Variants in GAD2 observed in about 807,000 individuals in gnomAD.
The protein encoded by GAD2 is 65 kDa glutamic acid decarboxylase.
A neutral mutation model predicts 80.1 loss-of-function variants in GAD2; 22 were observed. The observed-to-expected ratio is 0.27, with a 90% CI of 0.20 to 0.39. The LOEUF (loss-of-function observed/expected upper bound fraction) is 0.39. Ranked by LOEUF, GAD2 falls within the 10% of genes least tolerant of loss-of-function variation. GAD2 has a pLI of 1.00. For missense variants in GAD2, 624 were observed against 738.4 expected (o/e 0.85, Z 1.80); for synonymous variants, 274 against 256.9 (o/e 1.07, Z -0.64).
intron 7 of GAD2, among the ~76,000 whole-genome samples, chr10:26,230,623 C>A (rs1407230192): frequency 6.6e-6 from 1 of 152,050 alleles, no homozygotes; most frequent in Non-Finnish European, 1.5e-5. Context: ...TTTATAGAGA[C>A]AGGGTCTTGC....
intron 8 of GAD2, among the ~76,000 whole-genome samples, chr10:26,258,525 A>G (rs2132296959): frequency 6.6e-6 from 1 of 152,322 alleles, no homozygotes; most frequent in African/African-American, 2.4e-5. Flanking sequence ...TGCTCATTTA[A>G]CACTAACTCC....
At chr10:26,245,264 G>C (rs1844792013) in intron 7 of GAD2, among the ~76,000 whole-genome samples, 2 of 151,970 alleles carry the variant, frequency 1.3e-5, no homozygotes, top group Admixed American at 1.3e-4. Flanking sequence ...AATAGCTAAT[G>C]CATGCTGGGC....
chr10:26,264,961 C>T (rs894834763), intron 8 of GAD2, among the ~76,000 whole-genome samples: 1 of 152,142 alleles, frequency 6.6e-6, no homozygotes, highest in Middle Eastern at 3.2e-3. Flanking sequence ...TGACCATCTG[C>T]AAGCCTGCCT....
At chr10:26,236,467 A>C (rs938397886) in intron 7 of GAD2, among the ~76,000 whole-genome samples, 1 of 151,722 alleles carries the variant, frequency 6.6e-6, no homozygotes, top group African/African-American at 2.4e-5. Context: ...CACCCGGCTA[A>C]GTTCTGTATT....
At chr10:26,281,703 C>A (rs980283426) in intron 12 of GAD2, among the ~76,000 whole-genome samples, 1 of 152,182 alleles carries the variant, frequency 6.6e-6, no homozygotes, top group Non-Finnish European at 1.5e-5. Flanking sequence ...TTGAAACCAT[C>A]TTGAAAGATG....
At chr10:26,238,480 G>A (rs1844702608) in intron 7 of GAD2, among the ~76,000 whole-genome samples, 1 of 152,224 alleles carries the variant, frequency 6.6e-6, no homozygotes, top group African/African-American at 2.4e-5. Context: ...TGTCACTGAA[G>A]ATCATTCTTG....
At chr10:26,255,915 T>C (rs113775757) in intron 8 of GAD2, among the ~76,000 whole-genome samples, 4,361 of 128,274 alleles carry the variant, frequency 0.034, 183 homozygotes, top group African/African-American at 0.12. Flanking sequence ...TGGGGAGGGA[T>C]GGGGAGGAAG....
intron 15 of GAD2, among the ~76,000 whole-genome samples, chr10:26,297,550 T>C (rs550915372): frequency 6.6e-6 from 1 of 152,308 alleles, no homozygotes; most frequent in African/African-American, 2.4e-5. Flanking sequence ...AGCGAATTCT[T>C]CAACATGCAA....
intron 8 of GAD2, among the ~76,000 whole-genome samples, chr10:26,257,113 C>A (rs1459922124): frequency 6.6e-6 from 1 of 152,252 alleles, no homozygotes; most frequent in African/African-American, 2.4e-5. Context: ...TGCGGTGGCT[C>A]ATGTCTGTAA....
intron 6 of GAD2, among the ~76,000 whole-genome samples, chr10:26,229,044 A>C (rs1844565082): frequency 6.6e-6 from 1 of 152,034 alleles, no homozygotes; most frequent in Non-Finnish European, 1.5e-5. Context: ...ACACAAAAAA[A>C]TTAGCCGGGT....
At chr10:26,262,850 C>CT (rs61008985) in intron 8 of GAD2, among the ~76,000 whole-genome samples, 87 of 145,968 alleles carry the variant, frequency 6.0e-4, no homozygotes, top group Admixed American at 1.9e-3. Context: ...TATCATAATC[C>CT]TTTTTTTTTT....
chr10:26,244,594 C>A lies in GAD2; in HGVS notation c.841-1327C>A, dbSNP rs571838666. ...TCACACATGCTACAACATGGATGAA[C>A]CTTGAGGACATTATACTAAGTTAAA... On this transcript the variant is annotated intron_variant, in intron 7 of 15. Transcript: ENST00000376261. 5.6e-4 allele frequency among the ~76,000 whole-genome samples: 86 copies of A among 152,244 alleles called. 1 individual carries two copies. The South Asian group carries it at 0.014, about 25-fold the overall frequency.
Position 26,272,698 on chromosome 10 carries a change from T to C in GAD2, c.1093-938T>C, listed in dbSNP as rs139858889. 4.1e-4 allele frequency among the ~76,000 whole-genome samples: 62 copies of C among 152,238 alleles called. 2 individuals are homozygous for C. In the East Asian group the frequency reaches 0.011, roughly 28 times the overall value. ...GGCCAGCATGGTGAAACCTCGTCTC[T>C]ACTAAAAATACAAAAATTAGCCAGG... On this transcript the variant is annotated intron_variant, in intron 10 of 15. Coordinates refer to ENST00000376261, the MANE Select transcript of GAD2 (RefSeq NM_001134366.2).
chr10:26,218,559 A>T (rs796586715), intron 3 of GAD2, among the ~76,000 whole-genome samples: 3,842 of 138,418 alleles, frequency 0.028, 67 homozygotes, highest in Middle Eastern at 0.063. Context: ...TCTCACACAC[A>T]CACACACACA....
chr10:26,247,660 C>A (rs935449782), intron 8 of GAD2, among the ~76,000 whole-genome samples: 6 of 151,904 alleles, frequency 3.9e-5, no homozygotes, highest in Admixed American at 6.6e-5. Flanking sequence ...TTTTGGGAGG[C>A]CGAGGCGGGT....
chr10:26,252,532 A>G lies in GAD2; in HGVS notation c.920+6532A>G, dbSNP rs187937254. Among the ~76,000 whole-genome samples the G allele has an allele frequency of 2.0e-5, 3 of 151,862 alleles. No individual in the cohort carries two copies. In the East Asian group the frequency reaches 5.9e-4, roughly 30 times the overall value. ...TAATTTTTGTATTTTTAGTAGAGACAGGATCTTATCATGTCACCATGTTGG... is the reference window on the plus strand; with the variant it reads ...TAATTTTTGTATTTTTAGTAGAGACGGGATCTTATCATGTCACCATGTTGG... On this transcript the variant is annotated intron_variant, in intron 8 of 15. Coordinates refer to ENST00000376261, the MANE Select transcript of GAD2 (RefSeq NM_001134366.2).
At chr10:26,284,134 T>C (rs1589152506) in intron 12 of GAD2, among the ~76,000 whole-genome samples, 1 of 152,180 alleles carries the variant, frequency 6.6e-6, no homozygotes, top group African/African-American at 2.4e-5. Context: ...AATCCAAGAC[T>C]TTATGATGCT....
rs1564315365 is a variant in GAD2, at chr10:26,303,472, G to GAAATGA, written c.*2512_*2513insAATGAA. Reference sequence around the variant, plus strand: ...GGAGGGAGGGAGGGAGGGAGGGAAGGAGGGAGGGAGGAAGGAAATGAAGGG... The same window carrying GAAATGA: ...GGAGGGAGGGAGGGAGGGAGGGAAGGAAATGAAGGGAGGGAGGAAGGAAATGAAGGG... On this transcript the variant is annotated 3_prime_UTR_variant, in exon 16 of 16. Coordinates refer to ENST00000376261, the MANE Select transcript of GAD2 (RefSeq NM_001134366.2). 7.1e-6 allele frequency: 1 copy of GAAATGA among 141,104 alleles called. No individual in the cohort carries two copies. Among genetic ancestry groups the GAAATGA allele is most frequent in the African/African-American group, 2.6e-5 (1 of 38,112 alleles). The allele number at this position is 141,104 out of a possible 1,614,324, so 8.7% of individuals were successfully genotyped here. A position where few individuals can be genotyped will look rare whatever the true frequency, so the allele number is the denominator to read the frequency against.
At chr10:26,251,841 T>A (rs1314744452) in intron 8 of GAD2, among the ~76,000 whole-genome samples, 1 of 152,344 alleles carries the variant, frequency 6.6e-6, no homozygotes, top group Admixed American at 6.5e-5. Context: ...ACATCATCTG[T>A]GTGACATGAG....
Sources: allele counts gnomAD v4.1 joint callset (sites outside exome capture counted in the v4.1 genomes callset), GRCh38; gene constraint gnomAD v4.1.1; transcripts MANE v1.5; gene names NCBI Gene and HGNC (gene_info 2026-07-23, HGNC 2026-07-21).